SYTL3: variants seen among roughly 807,000 people sequenced by gnomAD.
SYTL3 encodes synaptotagmin-like protein 3.
In SYTL3, 88 loss-of-function variants were observed where a neutral mutation model predicts 82.1. The ratio of observed to expected loss-of-function variants is 1.07; its 90% CI spans 0.90 to 1.28. The LOEUF (loss-of-function observed/expected upper bound fraction) is 1.28. Ranked by LOEUF, SYTL3 falls within the 50% of genes most tolerant of loss-of-function variation. SYTL3 has a pLI of 0.00. For missense variants in SYTL3, 831 were observed against 757.6 expected, an observed-to-expected ratio of 1.10 and a Z score of -1.14; for synonymous variants, 311 against 289.4, an observed-to-expected ratio of 1.07 and a Z score of -0.76.
intron 10 of SYTL3, among the ~76,000 whole-genome samples, chr6:158,721,246 C>G (rs547036655): frequency 1.3e-5 from 2 of 152,268 alleles, no homozygotes; most frequent in Admixed American, 1.3e-4. Context: ...GACCAAGTCT[C>G]GCTGTCTTGC....
chr6:158,750,895 AAGCGATTCTCCT>A (rs1413952737), intron 12 of SYTL3, among the ~76,000 whole-genome samples: 2 of 152,126 alleles, frequency 1.3e-5, no homozygotes, highest in Admixed American at 1.3e-4. Flanking sequence ...TCCCAGGTAC[AAGCGATTCTCCT>A]GCCTCAGCCT....
rs549146823 is a variant in SYTL3 at position 158,687,667 on chromosome 6, A to G, written c.394+4678A>G. Among the ~76,000 whole-genome samples, 22 of 152,276 alleles carry G rather than the reference A, an allele frequency of 1.4e-4. No individual in the cohort carries two copies. In the South Asian group the frequency reaches 4.6e-3, roughly 32 times the overall value. On this transcript the variant is annotated intron_variant, in intron 6 of 17. Coordinates refer to ENST00000611299, the MANE Select transcript of SYTL3 (RefSeq NM_001242394.2). ...CTGCCGCTACATCTGGTCAGTCAGC[A>G]AATCCTGACATTTCTGCCTCCTGAG...
At chr6:158,707,744 TCATGAAGCTGGC>T (rs1353660637) in intron 7 of SYTL3, among the ~76,000 whole-genome samples, 2 of 152,240 alleles carry the variant, frequency 1.3e-5, no homozygotes, top group Admixed American at 6.5e-5. Flanking sequence ...AACTGAGCAG[TCATGAAGCTGGC>T]CATAATTCAC....
At chr6:158,694,969 G>T (rs1369322731) in intron 6 of SYTL3, among the ~76,000 whole-genome samples, 1 of 152,178 alleles carries the variant, frequency 6.6e-6, no homozygotes, top group African/African-American at 2.4e-5. Flanking sequence ...ATGATTAGGT[G>T]GGCTGGTTAT....
chr6:158,697,277 GAAAAAAAAA>G (rs35335929), intron 6 of SYTL3, among the ~76,000 whole-genome samples: 117 of 94,488 alleles, frequency 1.2e-3, no homozygotes, highest in Middle Eastern at 0.012. Context: ...CATCTCTACG[GAAAAAAAAA>G]AAAAAAAAAA....
At chr6:158,729,575 T>C (rs1000455225) in intron 11 of SYTL3, among the ~76,000 whole-genome samples, 4 of 150,562 alleles carry the variant, frequency 2.7e-5, no homozygotes, top group African/African-American at 7.3e-5. Flanking sequence ...TCTTTTTTTT[T>C]TTTTTTTTTG....
intron 1 of SYTL3, among the ~76,000 whole-genome samples, chr6:158,651,331 G>A (rs542149782): frequency 3.3e-5 from 5 of 152,234 alleles, no homozygotes; most frequent in Admixed American, 1.3e-4. Context: ...GATGGCTCAC[G>A]CCTGTCATCT....
Position 158,727,689 on chromosome 6 carries a change from C to CTTTTTTTTTT in SYTL3, c.855+2055_855+2064dup, listed in dbSNP as rs55657606. Among the ~76,000 whole-genome samples the CTTTTTTTTTT allele has an allele frequency of 1.9e-5, 2 of 106,712 alleles. 1 individual carries two copies. The highest frequency in any genetic ancestry group is 3.6e-5 in the Non-Finnish European group (2 of 55,316). The allele number at this position is 106,712 out of a possible 152,430, so 70.0% of individuals were successfully genotyped here. On this transcript the variant is annotated intron_variant, in intron 11 of 17. Coordinates refer to ENST00000611299, the MANE Select transcript of SYTL3 (RefSeq NM_001242394.2). ...CATGTGCGTGTCTCATCCAAGTACT[C>CTTTTTTTTTT]TTTTTTTTTTTTGAGATGAAGTCTC...
intron 13 of SYTL3, among the ~76,000 whole-genome samples, chr6:158,755,433 C>A (rs1379464174): frequency 1.3e-5 from 2 of 152,186 alleles, no homozygotes; most frequent in East Asian, 1.9e-4. Context: ...CCAAGAAATG[C>A]CCATCTCCAT....
At chr6:158,699,537 G>A (rs1011758067) in intron 6 of SYTL3, among the ~76,000 whole-genome samples, 4 of 152,260 alleles carry the variant, frequency 2.6e-5, no homozygotes, top group African/African-American at 7.2e-5. Context: ...AGCCACACGC[G>A]GCGGATCTTA....
chr6:158,694,138 C>T (rs952862514), intron 6 of SYTL3, among the ~76,000 whole-genome samples: 4 of 152,230 alleles, frequency 2.6e-5, no homozygotes, highest in African/African-American at 7.2e-5. Flanking sequence ...TTTCGTGTCT[C>T]AGAGATTTTT....
In SYTL3 at chr6:158,763,507, C is replaced by G. The variant is rs1790291360; in HGVS notation, c.1721C>G (p.Ser574Ter). Residue 574 changes from serine to a stop codon, truncating the protein, a stop_gained and splice_region_variant, in exon 17 of 18, where the codon TCA (serine) becomes TGA (stop). Transcript: ENST00000611299. LOFTEE classifies it low-confidence loss of function (END_TRUNC). The part of the protein sequence containing the change: ...DRLLGGTRLG[S>*]KGDTAVGGDA... Reference sequence around the variant, plus strand: ...TTGCTTGGAGGAACCAGACTTGGTTCAAGTAAGTCTGAGACATTGAGCCCA... The same window carrying G: ...TTGCTTGGAGGAACCAGACTTGGTTGAAGTAAGTCTGAGACATTGAGCCCA... 6.2e-7 allele frequency: 1 copy of G among 1,613,394 alleles called. No individual in the cohort carries two copies.
upstream of SYTL3, among the ~76,000 whole-genome samples, chr6:158,645,474 G>A (rs1180090323): frequency 6.6e-6 from 1 of 152,110 alleles, no homozygotes; most frequent in Admixed American, 6.5e-5. Flanking sequence ...TTTGATTTTG[G>A]CGTTTGCTTT....
At chr6:158,753,083 T>C (rs1349173412) in intron 13 of SYTL3, among the ~76,000 whole-genome samples, 26 of 146,196 alleles carry the variant, frequency 1.8e-4, no homozygotes, top group Admixed American at 7.4e-4. Context: ...TTTTCTTTTT[T>C]TTTTTTTTTT....
chr6:158,659,991 C>T (rs1035891916), intron 2 of SYTL3, among the ~76,000 whole-genome samples: 2 of 152,118 alleles, frequency 1.3e-5, no homozygotes, highest in African/African-American at 2.4e-5. Flanking sequence ...GAACCTTGAA[C>T]AGGCCGGGCG....
intron 6 of SYTL3, among the ~76,000 whole-genome samples, chr6:158,689,064 T>A (rs1236936395): frequency 6.6e-6 from 1 of 152,232 alleles, no homozygotes; most frequent in Non-Finnish European, 1.5e-5. Flanking sequence ...ATCATTTGTT[T>A]AACCAAATAA....
chr6:158,731,548 C>T (rs1180158170), intron 11 of SYTL3, among the ~76,000 whole-genome samples: 1 of 152,004 alleles, frequency 6.6e-6, no homozygotes, highest in South Asian at 2.1e-4. Flanking sequence ...CCAAAGTTAT[C>T]TCTCTTTTTC....
intron 7 of SYTL3, among the ~76,000 whole-genome samples, 166 bp downstream of exon 7, chr6:158,707,447 C>T (rs761562500): frequency 3.3e-5 from 5 of 151,270 alleles, no homozygotes; most frequent in Non-Finnish European, 7.4e-5. Flanking sequence ...AAGATTAAAG[C>T]AGAGATGTTT....
intron 11 of SYTL3, among the ~76,000 whole-genome samples, chr6:158,734,654 C>G (rs1242078272): frequency 1.3e-5 from 2 of 152,232 alleles, no homozygotes; most frequent in East Asian, 1.9e-4. Context: ...CCCACTCCCC[C>G]CACCTGCTCT....
Sources: gnomAD v4.1 joint callset for allele counts (sites outside exome capture counted in the v4.1 genomes callset) on GRCh38, gnomAD v4.1.1 for gene constraint, MANE v1.5 for transcripts, NCBI Gene and HGNC (gene_info 2026-07-23, HGNC 2026-07-21) for gene names.